Variants in PCED1B observed in about 807,000 individuals in gnomAD.
PCED1B encodes the protein PC-esterase domain containing 1B, also known as PC-esterase domain-containing protein 1B.
For missense variants in PCED1B, 573 were observed against 573.9 expected (o/e 1.00, Z 0.02); for synonymous variants, 251 against 246.1 (o/e 1.02, Z -0.19).
At position 47,143,236 on chromosome 12, in the gene PCED1B, A is replaced by G. The variant is rs541916507; in HGVS notation, c.-526+39041A>G. ...GCCAGAGCAGTTAGGCAAGAAAAAG[A>G]AATAAAATGCATCTAAATTGGAATG... On this transcript the variant is annotated intron_variant, in intron 2 of 3. Transcript: ENST00000546455. 1.3e-4 allele frequency among the ~76,000 whole-genome samples: 20 copies of G among 152,298 alleles called. No individual in the cohort carries two copies. The South Asian group carries it at 3.7e-3, about 28-fold the overall frequency.
chr12:47,101,539 T>C (rs1174534886), intron 1 of PCED1B, among the ~76,000 whole-genome samples: 1 of 152,210 alleles, frequency 6.6e-6, no homozygotes, highest in Non-Finnish European at 1.5e-5. Context: ...CACTGTTCAG[T>C]AGCCATTCTA....
intron 2 of PCED1B, among the ~76,000 whole-genome samples, chr12:47,215,802 C>T: frequency 7.4e-6 from 1 of 135,508 alleles, no homozygotes; most frequent in South Asian, 2.3e-4. Flanking sequence ...CCCCTATAAT[C>T]CCAGCACTTT....
intron 2 of PCED1B, among the ~76,000 whole-genome samples, chr12:47,190,550 G>A (rs1942410488): frequency 6.6e-6 from 1 of 152,190 alleles, no homozygotes; most frequent in Non-Finnish European, 1.5e-5. Context: ...CCTCTTTATA[G>A]CAGCTATGCA....
At chr12:47,117,305 G>A (rs561077168) in intron 2 of PCED1B, among the ~76,000 whole-genome samples, 25 of 151,974 alleles carry the variant, frequency 1.6e-4, no homozygotes, top group South Asian at 2.1e-4. Flanking sequence ...CCATTAACTC[G>A]TCATTTACAT....
At chr12:47,224,482 G>T (rs978802194) in intron 3 of PCED1B, among the ~76,000 whole-genome samples, 2 of 152,306 alleles carry the variant, frequency 1.3e-5, no homozygotes, top group South Asian at 2.1e-4. Context: ...TATTTAAAAA[G>T]AATTACAAAT....
chr12:47,185,881 T>A (rs10881064), intron 2 of PCED1B, among the ~76,000 whole-genome samples: 79,624 of 151,722 alleles, frequency 0.52, 21,702 homozygotes, highest in Non-Finnish European at 0.6. Context: ...GCATTGCACA[T>A]ACACATAGGA....
At position 47,113,180 on chromosome 12, in the gene PCED1B, G is replaced by A. The variant is rs868721689; in HGVS notation, c.-526+8985G>A. Among the ~76,000 whole-genome samples, 3 of 152,122 alleles carry A rather than the reference G, an allele frequency of 2.0e-5. No individual in the cohort carries two copies. In the South Asian group the frequency reaches 6.2e-4, roughly 31 times the overall value. The stretch of plus-strand genomic sequence containing the variant: ...AGAGTCCCTGTTCTAAAGAAGTAGG[G>A]GAGAGGATTTATACTCAATTACATA... On this transcript the variant is annotated intron_variant, in intron 2 of 3. Transcript: ENST00000546455.
intron 2 of PCED1B, among the ~76,000 whole-genome samples, chr12:47,181,959 A>G (rs1039287430): frequency 1.3e-5 from 2 of 152,202 alleles, no homozygotes; most frequent in African/African-American, 4.8e-5. Context: ...GTCCACTCCT[A>G]TTACTAATGG....
chr12:47,207,960 T>C (rs554295740), intron 2 of PCED1B, among the ~76,000 whole-genome samples: 15 of 152,304 alleles, frequency 9.8e-5, no homozygotes, highest in African/African-American at 3.4e-4. Flanking sequence ...TTAATCAAGC[T>C]CTGTGAATGA....
At chr12:47,117,751 T>C (rs1939490739) in intron 2 of PCED1B, among the ~76,000 whole-genome samples, 1 of 152,242 alleles carries the variant, frequency 6.6e-6, no homozygotes, top group African/African-American at 2.4e-5. Context: ...TTTCTAGTTC[T>C]AGATCCTTGA....
At chr12:47,083,254 T>C (rs1937827690) in intron 1 of PCED1B, among the ~76,000 whole-genome samples, 1 of 152,078 alleles carries the variant, frequency 6.6e-6, no homozygotes, top group Admixed American at 6.5e-5. Flanking sequence ...TAAGAAGGGC[T>C]TTCACATTCT....
intron 2 of PCED1B, among the ~76,000 whole-genome samples, chr12:47,185,366 A>C (rs945644015): frequency 1.3e-5 from 2 of 152,230 alleles, no homozygotes; most frequent in Non-Finnish European, 2.9e-5. Context: ...CAGCCCTGTG[A>C]AGAAGGAGGC....
intron 2 of PCED1B, among the ~76,000 whole-genome samples, chr12:47,158,020 A>G (rs1280632675): frequency 6.6e-6 from 1 of 152,122 alleles, no homozygotes; most frequent in Non-Finnish European, 1.5e-5. Flanking sequence ...TATGTACCAC[A>G]TTTCACTTAT....
intron 2 of PCED1B, among the ~76,000 whole-genome samples, chr12:47,158,158 T>C (rs1284528981): frequency 6.6e-6 from 1 of 152,228 alleles, no homozygotes; most frequent in East Asian, 1.9e-4. Context: ...CTTTCAATTT[T>C]TTTGTGTGTG....
At chr12:47,230,400 T>C (rs1465467847) in intron 3 of PCED1B, among the ~76,000 whole-genome samples, 1 of 151,622 alleles carries the variant, frequency 6.6e-6, no homozygotes, top group African/African-American at 2.4e-5. Context: ...ATCATTTTCT[T>C]ACACTTATTC....
intron 2 of PCED1B, among the ~76,000 whole-genome samples, chr12:47,172,467 C>A (rs141627822): frequency 1.3e-4 from 20 of 150,808 alleles, no homozygotes; most frequent in Non-Finnish European, 1.9e-4. Context: ...CAGGGTGAGA[C>A]CCTATCTCAA....
intron 2 of PCED1B, among the ~76,000 whole-genome samples, chr12:47,183,642 C>A (rs189998859): frequency 3.3e-5 from 5 of 152,140 alleles, no homozygotes; most frequent in Admixed American, 3.3e-4. Context: ...TTACTGAACA[C>A]AGTACAGTAG....
At chr12:47,094,886 TTCTC>T (rs1035891106) in intron 1 of PCED1B, among the ~76,000 whole-genome samples, 1 of 151,630 alleles carries the variant, frequency 6.6e-6, no homozygotes, top group Non-Finnish European at 1.5e-5. Flanking sequence ...TCTCTTTTCT[TTCTC>T]TCTCTCTTTC....
intron 2 of PCED1B, among the ~76,000 whole-genome samples, chr12:47,109,525 A>G (rs1939101368): frequency 6.6e-6 from 1 of 152,212 alleles, no homozygotes; most frequent in African/African-American, 2.4e-5. Flanking sequence ...TTTAGGAAGA[A>G]AATGGCAAGT....
Sources: gnomAD v4.1 joint callset for allele counts (sites outside exome capture counted in the v4.1 genomes callset) on GRCh38, gnomAD v4.1.1 for gene constraint, MANE v1.5 for transcripts, NCBI Gene and HGNC (gene_info 2026-07-23, HGNC 2026-07-21) for gene names.